Variants in RYR1 observed in about 807,000 individuals in gnomAD.
The protein encoded by RYR1 is ryanodine receptor 1.
RYR1 carries 342 observed loss-of-function variants against 583.5 expected under a neutral mutation model. The observed-to-expected ratio is 0.59, with a 90% CI of 0.54 to 0.64. RYR1 has a LOEUF of 0.64. Ranked by LOEUF, RYR1 falls within the 30% of genes least tolerant of loss-of-function variation. The pLI, the probability that RYR1 is intolerant of heterozygous loss-of-function variation, is 0.00. For missense variants in RYR1, 6,032 were observed against 6,917.2 expected (o/e 0.87, Z 4.54); for synonymous variants, 2,791 against 2,822.5 (o/e 0.99, Z 0.35).
Position 38,483,516 on chromosome 19 carries a change from G to C in RYR1, c.4934G>C (p.Arg1645Pro). 1 of 1,544,928 alleles carries C rather than the reference G, an allele frequency of 6.5e-7. No individual in the cohort carries two copies. Among genetic ancestry groups the C allele is most frequent in the African/African-American group, 1.4e-5 (1 of 73,520 alleles). Residue 1645 changes from arginine to proline, a missense_variant and splice_region_variant, in exon 33 of 106, where the codon CGG becomes CCG. This residue lies in a region of RYR1 where 2,627 missense variants were observed against 2,961.3 expected (regional missense o/e 0.89). Coordinates refer to ENST00000359596, the MANE Select transcript of RYR1 (RefSeq NM_000540.3). This position sits in a 1 kb window ranked among gnomAD's most constrained non-coding sequence, Gnocchi z 6.3. ...MMALHIPEEN[R>P]CMDILELSER... ...GCGCTGCACATCCCCGAGGAGAACC[G>C]GTCAGGGCCAGCCCAGCTATGCAGG... is the stretch of plus-strand genomic sequence containing the variant.
At chr19:38,528,505 G>A in intron 74 of RYR1, 87 bp downstream of exon 74, 1 of 1,587,884 alleles carries the variant, frequency 6.3e-7, no homozygotes, top group Non-Finnish European at 8.6e-7. Context: ...CAACGTGATG[G>A]GGCCTTGAGG....
chr19:38,545,358 C>T lies in RYR1; in HGVS notation c.12013-1087C>T, dbSNP rs538089362. Among the ~76,000 whole-genome samples, 9 of 152,216 alleles carry T rather than the reference C, an allele frequency of 5.9e-5. 1 individual carries two copies. The highest frequency in any genetic ancestry group is 2.6e-4 in the Admixed American group (4 of 15,278). The stretch of plus-strand genomic sequence containing the variant: ...TGTAAGATCTTGAGATTAGGAGTGT[C>T]GGGACCTTAGGCGCAGAATGCAGAG... On this transcript the variant is annotated intron_variant, in intron 87 of 105. Coordinates refer to ENST00000359596, the MANE Select transcript of RYR1 (RefSeq NM_000540.3).
In RYR1 at chr19:38,534,767, G is replaced by A. The variant is rs2145744039; in HGVS notation, c.11307G>A (p.Leu3769=). 6.2e-7 allele frequency: 1 copy of A among 1,614,006 alleles called. No individual in the cohort carries two copies. The highest frequency in any genetic ancestry group is 8.5e-7 in the Non-Finnish European group (1 of 1,179,986). The change falls in exon 79 of 106, where the codon CTG becomes CTA. Residue 3769 remains leucine (L), a synonymous_variant. Transcript: ENST00000359596. ...GGCTCTTGTACCAGCAAGCACGGCT[G>A]CACACCCGGGGGGCGGCCGAGATGG... is the stretch of plus-strand genomic sequence containing the variant. ...KQRLLYQQAR[L]HTRGAAEMVL... is the part of the protein sequence containing the mutation.
chr19:38,502,621 ATCATGGTGGAC>A lies in RYR1; in HGVS notation c.7732_7742del (p.Met2578TyrfsTer20). 4 of 1,612,754 alleles carry A rather than the reference ATCATGGTGGAC, an allele frequency of 2.5e-6. No homozygotes were observed. The highest frequency in any genetic ancestry group is 3.4e-6 in the Non-Finnish European group (4 of 1,179,878). ...CTTTGCGGGCACAGAACACCGCGCCATCATGGTGGACTCTATGCTGCATACCGTGTACCGCC... is the reference window on the plus strand; with the variant it reads ...CTTTGCGGGCACAGAACACCGCGCCATCTATGCTGCATACCGTGTACCGCC... On this transcript the variant is annotated frameshift_variant, in exon 48 of 106. Coordinates refer to ENST00000359596, the MANE Select transcript of RYR1 (RefSeq NM_000540.3). LOFTEE classifies it high-confidence loss of function.
At chr19:38,539,895 A>G (rs1972127539) in intron 84 of RYR1, among the ~76,000 whole-genome samples, 1 of 133,976 alleles carries the variant, frequency 7.5e-6, no homozygotes, top group South Asian at 3.4e-4. Context: ...ATATAGCCCA[A>G]TTTAAATTAA....
chr19:38,525,268 C>T (rs376670843), intron 70 of RYR1, 64 bp from the exon 71 acceptor site: 48 of 1,591,306 alleles, frequency 3.0e-5, no homozygotes, highest in South Asian at 2.0e-4. Context: ...GGATGATGGC[C>T]GCGGGTTGGG....
chr19:38,546,389 A>G (rs1401622467), intron 87 of RYR1, 56 bp from the exon 88 acceptor site: 1 of 1,491,432 alleles, frequency 6.7e-7, no homozygotes, highest in Non-Finnish European at 9.4e-7. Flanking sequence ...GGGAGAAGCA[A>G]CAGAGGTGGG....
Position 38,460,371 on chromosome 19 carries a change from C to G in RYR1, c.2361-4C>G, listed in dbSNP as rs753918895. 7.4e-6 allele frequency: 12 copies of G among 1,613,868 alleles called. No homozygotes were observed. Among genetic ancestry groups the G allele is most frequent in the Non-Finnish European group, 1.0e-5 (12 of 1,179,852 alleles). On this transcript the variant is annotated splice_polypyrimidine_tract_variant and splice_region_variant and intron_variant, in intron 19 of 105. Coordinates refer to ENST00000359596, the MANE Select transcript of RYR1 (RefSeq NM_000540.3). ...AATGATCCCCATTGTCCTTCCTTAC[C>G]CAGGGTGCGGTTCCTCCTTGGTGGC...
chr19:38,449,410 A>G (rs1471770090), intron 11 of RYR1, among the ~76,000 whole-genome samples: 1 of 152,100 alleles, frequency 6.6e-6, no homozygotes, highest in Non-Finnish European at 1.5e-5. Flanking sequence ...GGAGTGAGCC[A>G]ATATCGTGCC....
chr19:38,551,289 G>C (rs1972657871), intron 89 of RYR1, among the ~76,000 whole-genome samples: 2 of 150,962 alleles, frequency 1.3e-5, no homozygotes, highest in Non-Finnish European at 3.0e-5. Context: ...TCAAGTGATG[G>C]TCAGGCTGGT....
chr19:38,451,842 C>T lies in RYR1; in HGVS notation c.1201C>T (p.Arg401Cys), dbSNP rs193922764. Reference protein sequence around the residue: ...RCQQEESQAARMIHSTNGLYN... With the variant: ...RCQQEESQAACMIHSTNGLYN... ...CCAGCAGGAGGAGTCCCAGGCCGCC[C>T]GCATGATCCACAGCACCAATGGCCT... is the stretch of plus-strand genomic sequence containing the variant. Residue 401 changes from arginine (R) to cysteine (C), a missense_variant, in exon 12 of 106, where the codon CGC becomes TGC. By Grantham distance (180) the Arg-to-Cys change is radical. This residue lies in a region of RYR1 where 2,627 missense variants were observed against 2,961.3 expected (regional missense o/e 0.89). Transcript: ENST00000359596. 12 of 1,613,996 alleles carry T rather than the reference C, an allele frequency of 7.4e-6. No homozygotes were observed. The highest frequency in any genetic ancestry group is 2.2e-5 in the East Asian group (1 of 44,886).
At chr19:38,535,892 T>C (rs1971941393) in intron 81 of RYR1, 105 bp from the exon 82 acceptor site, 1 of 965,156 alleles carries the variant, frequency 1.0e-6, no homozygotes, top group Non-Finnish European at 1.6e-6. Flanking sequence ...ATAGATGGTT[T>C]ACTGTGGCTC....
rs188613176 is a variant in RYR1, at chr19:38,579,093, C to T, written c.14364+889C>T. Among the ~76,000 whole-genome samples the T allele has an allele frequency of 5.3e-5, 8 of 152,028 alleles. No individual in the cohort carries two copies. The East Asian group carries it at 1.2e-3, about 22-fold the overall frequency. ...CTGCATGTGCACCACTGCACTCCAG[C>T]GTGGATAACAGAGCGAGACCCTGTC... On this transcript the variant is annotated intron_variant, in intron 99 of 105. Coordinates refer to ENST00000359596, the MANE Select transcript of RYR1 (RefSeq NM_000540.3).
Position 38,566,906 on chromosome 19 carries a change from C to T in RYR1, c.13438-5C>T. 1 of 1,603,350 alleles carries T rather than the reference C, an allele frequency of 6.2e-7. No individual in the cohort carries two copies. Among genetic ancestry groups the T allele is most frequent in the Non-Finnish European group, 8.5e-7 (1 of 1,175,294 alleles). On this transcript the variant is annotated splice_polypyrimidine_tract_variant and splice_region_variant and intron_variant, in intron 91 of 105. Coordinates refer to ENST00000359596, the MANE Select transcript of RYR1 (RefSeq NM_000540.3). ...ACTCAGCCCTGATGCTTGCCCTGTC[C>T]CTAGGTGGATGGAGTGGAGGAGGAG... is the stretch of plus-strand genomic sequence containing the variant.
chr19:38,478,316 G>T, intron 30 of RYR1, 119 bp from the exon 31 acceptor site: 1 of 1,091,420 alleles, frequency 9.2e-7, no homozygotes, highest in South Asian at 1.3e-5. Context: ...GTCTGCAGGC[G>T]GTGGGTGTTT....
intron 66 of RYR1, among the ~76,000 whole-genome samples, chr19:38,518,718 C>G (rs945492805): frequency 3.9e-5 from 6 of 152,032 alleles, no homozygotes; most frequent in Non-Finnish European, 7.4e-5. Context: ...CTCCTGAGGT[C>G]AGGAGTTCGA....
In RYR1 at chr19:38,490,223, G is replaced by A. The variant is rs763360938; in HGVS notation, c.5962G>A (p.Ala1988Thr). 1.7e-5 allele frequency: 28 copies of A among 1,614,056 alleles called. No individual in the cohort carries two copies. The highest frequency in any genetic ancestry group is 7.7e-5 in the South Asian group (7 of 91,086). ...CCTCATAAAAGCCTTCAGCATGACC[G>A]CAGCAGAGACTGCAAGACGTACCCG... The part of the protein sequence containing the change: ...GLLIKAFSMT[A>T]AETARRTREF... The change falls in exon 36 of 106, where the codon GCA becomes ACA. Residue 1988 changes from alanine (A) to threonine (T), a missense_variant. Ala to Thr is a moderately conservative substitution (Grantham distance 58, BLOSUM62 0). Coordinates refer to ENST00000359596, the MANE Select transcript of RYR1 (RefSeq NM_000540.3).
chr19:38,473,700 G>A lies in RYR1; in HGVS notation c.4089G>A (p.Ala1363=), dbSNP rs761793739. 1.9e-6 allele frequency: 3 copies of A among 1,549,398 alleles called. No individual in the cohort carries two copies. The highest frequency in any genetic ancestry group is 2.0e-5 in the Admixed American group (1 of 50,920). ...KEGAPGGTPQ[A]GGEAQPARAE... is the part of the protein sequence containing the mutation. ...GCGCCCCCGGGGGCACCCCGCAGGCGGGGGGAGAGGCGCAGCCCGCCAGGG... is the reference window on the plus strand; with the variant it reads ...GCGCCCCCGGGGGCACCCCGCAGGCAGGGGGAGAGGCGCAGCCCGCCAGGG... Residue 1363 remains alanine, a synonymous_variant, in exon 28 of 106, where the codon GCG becomes GCA. Transcript: ENST00000359596.
intron 19 of RYR1, 78 bp from the exon 20 acceptor site, chr19:38,460,297 G>T: frequency 7.6e-7 from 1 of 1,316,722 alleles, no homozygotes; most frequent in Non-Finnish European, 1.1e-6. Context: ...TCCCAGGACT[G>T]CTTCCATGTC....
Sources: allele counts gnomAD v4.1 joint callset (sites outside exome capture counted in the v4.1 genomes callset), GRCh38; gene constraint gnomAD v4.1.1; regional missense constraint gnomAD v4.1.1; non-coding constraint Gnocchi (gnomAD v3.1); transcripts MANE v1.5; gene names NCBI Gene and HGNC (gene_info 2026-07-23, HGNC 2026-07-21).